Variants in LRRTM4 observed in about 807,000 individuals in gnomAD.
LRRTM4 encodes leucine-rich repeat transmembrane neuronal protein 4.
LRRTM4 carries 25 observed loss-of-function variants against 47.6 expected under a neutral mutation model. The ratio of observed to expected loss-of-function variants is 0.53; its 90% CI spans 0.38 to 0.73. The LOEUF (loss-of-function observed/expected upper bound fraction) is 0.73. LRRTM4 is among the 30% of genes least tolerant of loss of function. The probability of loss-of-function intolerance (pLI) is 0.00; values close to 1 mark genes in which losing one functional copy is unlikely to be tolerated. For missense variants in LRRTM4, 638 were observed against 713.4 expected (o/e 0.89, Z 1.20); for synonymous variants, 311 against 269.5 (o/e 1.15, Z -1.51).
Position 77,521,755 on chromosome 2 carries a change from GAC to G in LRRTM4, c.-86_-85del. On this transcript the variant is annotated 5_prime_UTR_variant, in exon 2 of 4. It removes the in-frame stop codon of an upstream open reading frame in the 5' UTR. Transcript: ENST00000409884. ...GTGCGGAAACCACCACCACCTTCAT[GAC>G]ACAGTGCGGCTGTCATTCACACCAT... 6.8e-7 allele frequency: 1 copy of G among 1,480,858 alleles called. No individual in the cohort carries two copies. The highest frequency in any genetic ancestry group is 9.4e-7 in the Non-Finnish European group (1 of 1,065,298). 91.7% of individuals were successfully genotyped at this position (1,480,858 alleles called of 1,614,324 possible). A position where few individuals can be genotyped will look rare whatever the true frequency, so the allele number is the denominator to read the frequency against.
intron 3 of LRRTM4, among the ~76,000 whole-genome samples, chr2:76,800,794 G>T (rs1197829061): frequency 2.8e-5 from 4 of 144,766 alleles, no homozygotes; most frequent in Non-Finnish European, 1.5e-5. Flanking sequence ...GTGGGCGAAG[G>T]ACATGAACAG....
intron 3 of LRRTM4, among the ~76,000 whole-genome samples, chr2:76,934,735 G>C (rs989665967): frequency 2.0e-5 from 3 of 152,138 alleles, no homozygotes; most frequent in African/African-American, 7.2e-5. Context: ...GGAAAACATA[G>C]ATGACAATAC....
chr2:76,797,294 G>A (rs994502404), intron 3 of LRRTM4, among the ~76,000 whole-genome samples: 2 of 152,052 alleles, frequency 1.3e-5, no homozygotes, highest in East Asian at 1.9e-4. Flanking sequence ...AGCCAGAAGA[G>A]AGTGGGGGCC....
chr2:77,268,656 T>C (rs1194964442), intron 3 of LRRTM4, among the ~76,000 whole-genome samples: 3 of 152,160 alleles, frequency 2.0e-5, no homozygotes, highest in Non-Finnish European at 4.4e-5. Context: ...TTTAAAAAGC[T>C]GATATACAAT....
intron 3 of LRRTM4, among the ~76,000 whole-genome samples, chr2:77,078,096 TTC>T (rs1680405668): frequency 6.6e-6 from 1 of 152,164 alleles, no homozygotes; most frequent in East Asian, 1.9e-4. Flanking sequence ...AAGCAAGAAT[TTC>T]TTTGTGTTTT....
chr2:77,431,691 C>A (rs997845899), intron 3 of LRRTM4, among the ~76,000 whole-genome samples: 4 of 149,110 alleles, frequency 2.7e-5, no homozygotes, highest in Non-Finnish European at 5.9e-5. Context: ...TCTGTGAAAT[C>A]AAATAACTTA....
At chr2:77,292,494 A>G (rs943351311) in intron 3 of LRRTM4, among the ~76,000 whole-genome samples, 1 of 152,100 alleles carries the variant, frequency 6.6e-6, no homozygotes, top group Non-Finnish European at 1.5e-5. Flanking sequence ...TGGCACATCT[A>G]CACCATGGAA....
At chr2:77,272,616 A>C (rs1459052377) in intron 3 of LRRTM4, among the ~76,000 whole-genome samples, 1 of 152,214 alleles carries the variant, frequency 6.6e-6, no homozygotes. Flanking sequence ...GCTCATGAAG[A>C]AATTTAATCC....
At chr2:76,806,306 G>A (rs147361027) in intron 3 of LRRTM4, among the ~76,000 whole-genome samples, 2 of 152,122 alleles carry the variant, frequency 1.3e-5, no homozygotes, top group African/African-American at 2.4e-5. Flanking sequence ...AAACCGGCCC[G>A]TGCGGTGGCT....
chr2:76,905,033 C>T (rs1238228395), intron 3 of LRRTM4, among the ~76,000 whole-genome samples: 1 of 152,072 alleles, frequency 6.6e-6, no homozygotes, highest in South Asian at 2.1e-4. Context: ...TGAGAACAGG[C>T]AGACTGCCTC....
At chr2:77,239,999 C>T (rs1410036403) in intron 3 of LRRTM4, among the ~76,000 whole-genome samples, 4 of 151,666 alleles carry the variant, frequency 2.6e-5, no homozygotes, top group Non-Finnish European at 1.5e-5. Flanking sequence ...AGTGCATGCA[C>T]ATGTAACATC....
At chr2:76,982,847 TAAGTG>T (rs1676658144) in intron 3 of LRRTM4, among the ~76,000 whole-genome samples, 3 of 152,072 alleles carry the variant, frequency 2.0e-5, no homozygotes, top group African/African-American at 7.2e-5. Flanking sequence ...CACTTGCAAA[TAAGTG>T]AAGTGAGGGG....
At chr2:77,179,159 GGA>G (rs1673280618) in intron 3 of LRRTM4, among the ~76,000 whole-genome samples, 4 of 152,132 alleles carry the variant, frequency 2.6e-5, no homozygotes, top group Non-Finnish European at 5.9e-5. Flanking sequence ...GGAAATCTAT[GGA>G]TGCCCCAGTC....
chr2:76,851,904 C>G (rs1268403184), intron 3 of LRRTM4, among the ~76,000 whole-genome samples: 5 of 152,010 alleles, frequency 3.3e-5, no homozygotes, highest in African/African-American at 1.2e-4. Flanking sequence ...GTTAATCACA[C>G]AGGAAACACT....
intron 3 of LRRTM4, among the ~76,000 whole-genome samples, chr2:76,800,828 A>T (rs1186314589): frequency 6.7e-6 from 1 of 149,728 alleles, no homozygotes; most frequent in Non-Finnish European, 1.5e-5. Context: ...GAAGACATTT[A>T]TGCAGCCAAA....
intron 3 of LRRTM4, among the ~76,000 whole-genome samples, chr2:76,871,724 T>C (rs1392987729): frequency 2.0e-5 from 3 of 152,210 alleles, no homozygotes; most frequent in Admixed American, 6.5e-5. Flanking sequence ...TTACATACAA[T>C]TGTGTATTCC....
chr2:77,313,253 CTTTTT>C (rs1677512455), intron 3 of LRRTM4, among the ~76,000 whole-genome samples: 2 of 148,480 alleles, frequency 1.3e-5, no homozygotes, highest in African/African-American at 5.1e-5. Flanking sequence ...TGCCTCCCTA[CTTTTT>C]CCTGAGGCCT....
chr2:76,916,091 A>C (rs1170050370), intron 3 of LRRTM4, among the ~76,000 whole-genome samples: 1 of 152,276 alleles, frequency 6.6e-6, no homozygotes, highest in East Asian at 1.9e-4. Context: ...AAAATGACAC[A>C]CAGAACAGAT....
At position 77,155,513 on chromosome 2, in the gene LRRTM4, C is replaced by A. The variant is rs187110165; in HGVS notation, c.1551+362805G>T. Among the ~76,000 whole-genome samples, 118 of 151,576 alleles carry A rather than the reference C, an allele frequency of 7.8e-4. No individual in the cohort carries two copies. The Middle Eastern group carries it at 0.01, about 13-fold the overall frequency. On this transcript the variant is annotated intron_variant, in intron 3 of 3. Coordinates refer to ENST00000409884, the MANE Select transcript of LRRTM4 (RefSeq NM_001134745.3). ...AGAAAATACAAAGGTTGAGATAAAT[C>A]AAGATTGCAAATTCTGTTATAAACA...
Sources: allele counts gnomAD v4.1 joint callset (sites outside exome capture counted in the v4.1 genomes callset), GRCh38; gene constraint gnomAD v4.1.1; transcripts MANE v1.5; gene names NCBI Gene and HGNC (gene_info 2026-07-23, HGNC 2026-07-21).